The following PKHD1 variants were observed in gnomAD, a reference collection of about 807,000 sequenced individuals.
The protein encoded by PKHD1 is PKHD1 ciliary IPT domain containing fibrocystin/polyductin, also known as fibrocystin.
In PKHD1, 291 loss-of-function variants were observed where a neutral mutation model predicts 412.0. That is an observed-to-expected ratio of 0.71 (90% CI 0.64 to 0.78). PKHD1 has a LOEUF of 0.78. Among genes scored for constraint, PKHD1 ranks in the 30% least tolerant of loss-of-function variants. PKHD1 has a pLI of 0.00. For synonymous variants in PKHD1, 1,777 were observed against 1,821.5 expected, an observed-to-expected ratio of 0.98 and a Z score of 0.62; for missense variants, 4,825 against 4,950.7, an observed-to-expected ratio of 0.97 and a Z score of 0.76.
intron 8 of PKHD1, among the ~76,000 whole-genome samples, chr6:52,071,676 G>A (rs1049118943): frequency 7.2e-5 from 11 of 152,080 alleles, no homozygotes; most frequent in Non-Finnish European, 1.6e-4. Flanking sequence ...GAACTCTAGG[G>A]GATGATTAGT....
intron 50 of PKHD1, among the ~76,000 whole-genome samples, chr6:51,845,819 T>G (rs1478284081): frequency 6.6e-6 from 1 of 152,196 alleles, no homozygotes; most frequent in Non-Finnish European, 1.5e-5. Flanking sequence ...TGATTTAATT[T>G]TTTTTCTTTG....
rs1473359876 is a variant in PKHD1 at position 51,981,314 on chromosome 6, T to A, written c.5752-21288A>T. Among the ~76,000 whole-genome samples the A allele has an allele frequency of 8.8e-4, 6 of 6,790 alleles. No homozygotes were observed. The East Asian group carries it at 0.013, about 15-fold the overall frequency. The allele number at this position is 6,790 out of a possible 152,430, so 4.5% of individuals were successfully genotyped here. A position where few individuals can be genotyped will look rare whatever the true frequency, so the allele number is the denominator to read the frequency against. ...TAGAGAGGCTCCAAAGCTCAAGCTC[T>A]CCCTCTCCCTCTCCCTCTCCCTCTC... is the stretch of plus-strand genomic sequence containing the variant. On this transcript the variant is annotated intron_variant, in intron 35 of 66. Coordinates refer to ENST00000371117, the MANE Select transcript of PKHD1 (RefSeq NM_138694.4).
chr6:51,770,449 G>A (rs1463672854), intron 55 of PKHD1, among the ~76,000 whole-genome samples: 1 of 149,264 alleles, frequency 6.7e-6, no homozygotes, highest in Non-Finnish European at 1.5e-5. Context: ...CTCCTAGTTG[G>A]TTTTAAGTTT....
At chr6:51,926,395 G>A (rs1368899840) in intron 37 of PKHD1, among the ~76,000 whole-genome samples, 1 of 152,076 alleles carries the variant, frequency 6.6e-6, no homozygotes, top group East Asian at 1.9e-4. Flanking sequence ...GTTATATGAG[G>A]CAATAAGTGC....
intron 6 of PKHD1, among the ~76,000 whole-genome samples, chr6:52,073,827 T>C (rs1300614482): frequency 6.6e-6 from 1 of 152,156 alleles, no homozygotes; most frequent in Non-Finnish European, 1.5e-5. Flanking sequence ...CAGTCTCAGA[T>C]TGTGTGAACA....
In PKHD1 at chr6:51,753,288, G is replaced by T. The variant is rs1229564017; in HGVS notation, c.8863C>A (p.Arg2955=). Reference sequence around the variant, plus strand: ...ACGTCAGGCTGAATTTGTATATTTCGGGTCAACAGTCCAACCTCAGCAGCC... The same window carrying T: ...ACGTCAGGCTGAATTTGTATATTTCTGGTCAACAGTCCAACCTCAGCAGCC... The part of the protein sequence containing the change: ...RLAAEVGLLT[R]NIQIQPDVSC... Residue 2955 remains arginine, a synonymous_variant, in exon 57 of 67, where the codon CGA becomes AGA. Transcript: ENST00000371117. 2 of 1,613,438 alleles carry T rather than the reference G, an allele frequency of 1.2e-6. No homozygotes were observed. Among genetic ancestry groups the T allele is most frequent in the Non-Finnish European group, 1.7e-6 (2 of 1,179,632 alleles).
intron 15 of PKHD1, 84 bp from the exon 16 acceptor site, chr6:52,058,685 C>T (rs1446316591): frequency 7.3e-7 from 1 of 1,378,434 alleles, no homozygotes; most frequent in African/African-American, 1.4e-5. Flanking sequence ...TGAACTGCTA[C>T]TATCAAGAGA....
Position 51,803,792 on chromosome 6 carries a change from C to T in PKHD1, c.8303-12419G>A, listed in dbSNP as rs140236879. On this transcript the variant is annotated intron_variant, in intron 52 of 66. Transcript: ENST00000371117. ...TGCGATCTTGGCTCACTGTAATCTC[C>T]GCCACCTGGGTTCAAGCAATTCTCT... is the stretch of plus-strand genomic sequence containing the variant. Among the ~76,000 whole-genome samples the T allele has an allele frequency of 5.4e-3, 811 of 151,462 alleles. 49 individuals carry two copies. The highest frequency in any genetic ancestry group is 0.019 in the African/African-American group (778 of 40,838).
rs200455727 is a variant in PKHD1 at position 51,773,802 on chromosome 6, AT to A, written c.8555-1014del. 5.1e-3 allele frequency among the ~76,000 whole-genome samples: 523 copies of A among 101,692 alleles called. 1 individual carries two copies. Among genetic ancestry groups the A allele is most frequent in the Middle Eastern group, 0.019 (4 of 208 alleles). The allele number at this position is 101,692 out of a possible 152,430, so 66.7% of individuals were successfully genotyped here. ...TCATCTGATAAGGACCAAAAAAAAA[AT>A]AATCCCAATTAATTAGAACTTAACC... On this transcript the variant is annotated intron_variant, in intron 54 of 66. Transcript: ENST00000371117.
intron 66 of PKHD1, among the ~76,000 whole-genome samples, chr6:51,621,605 C>T (rs943682790): frequency 6.6e-6 from 1 of 152,064 alleles, no homozygotes; most frequent in African/African-American, 2.4e-5. Flanking sequence ...TTGCAGACCC[C>T]AAAACATTTA....
intron 43 of PKHD1, among the ~76,000 whole-genome samples, chr6:51,896,869 A>G (rs1352700587): frequency 3.3e-5 from 5 of 152,324 alleles, no homozygotes; most frequent in East Asian, 3.9e-4. Flanking sequence ...TGAAGAATGC[A>G]GAAGCCTCAG....
At chr6:51,947,019 T>C (rs954084873) in intron 36 of PKHD1, among the ~76,000 whole-genome samples, 9 of 152,250 alleles carry the variant, frequency 5.9e-5, no homozygotes, top group Admixed American at 6.5e-5. Flanking sequence ...CATACAATAC[T>C]AGTCTTCAAA....
intron 37 of PKHD1, among the ~76,000 whole-genome samples, chr6:51,917,138 C>T (rs1430099021): frequency 3.9e-5 from 5 of 127,076 alleles, no homozygotes; most frequent in East Asian, 5.1e-4. Context: ...ACTGCCAAGG[C>T]CTTTCAAAAT....
intron 50 of PKHD1, among the ~76,000 whole-genome samples, chr6:51,846,079 C>T (rs1034549401): frequency 7.9e-5 from 12 of 152,230 alleles, no homozygotes; most frequent in Middle Eastern, 3.2e-3. Context: ...TCAGGAATCT[C>T]TGTCCGTCTC....
intron 8 of PKHD1, among the ~76,000 whole-genome samples, chr6:52,071,459 G>A (rs1810601186): frequency 1.3e-5 from 2 of 151,926 alleles, no homozygotes; most frequent in Admixed American, 6.6e-5. Flanking sequence ...ACACACAAGG[G>A]CAGAATACAC....
At chr6:51,641,103 G>C (rs1006315588) in intron 63 of PKHD1, among the ~76,000 whole-genome samples, 4 of 152,168 alleles carry the variant, frequency 2.6e-5, no homozygotes, top group Non-Finnish European at 5.9e-5. Flanking sequence ...ATGGCTTCAA[G>C]AGAAACTTTC....
In PKHD1 at chr6:51,912,622, T is replaced by C. The variant is rs769272073; in HGVS notation, c.6122-46A>G. On this transcript the variant is annotated intron_variant, in intron 37 of 66. Coordinates refer to ENST00000371117, the MANE Select transcript of PKHD1 (RefSeq NM_138694.4). Reference sequence around the variant, plus strand: ...GTTGTCCAGATAATTTAATCATTAATCAAAACGTGATTAATTTAATCATTA... The same window carrying C: ...GTTGTCCAGATAATTTAATCATTAACCAAAACGTGATTAATTTAATCATTA... 7.4e-6 allele frequency: 9 copies of C among 1,222,916 alleles called. No individual in the cohort carries two copies. The East Asian group carries it at 2.1e-4, about 28-fold the overall frequency. 75.8% of individuals were successfully genotyped at this position (1,222,916 alleles called of 1,614,324 possible). A position where few individuals can be genotyped will look rare whatever the true frequency, so the allele number is the denominator to read the frequency against.
intron 52 of PKHD1, among the ~76,000 whole-genome samples, chr6:51,806,192 G>C (rs963132405): frequency 1.3e-4 from 20 of 150,336 alleles, no homozygotes; most frequent in African/African-American, 4.9e-4. Flanking sequence ...CCTGCACATT[G>C]TGCACATGTA....
chr6:52,023,017 C>T, intron 32 of PKHD1, 73 bp from the exon 33 acceptor site: 1 of 1,552,390 alleles, frequency 6.4e-7, no homozygotes, highest in Non-Finnish European at 8.9e-7. Context: ...AAAATTCAAA[C>T]ATTTGCTTCC....
Sources: allele counts gnomAD v4.1 joint callset (sites outside exome capture counted in the v4.1 genomes callset), GRCh38; gene constraint gnomAD v4.1.1; transcripts MANE v1.5; gene names NCBI Gene and HGNC (gene_info 2026-07-23, HGNC 2026-07-21).